Variants in HK1 observed in about 807,000 individuals in gnomAD.
HK1 encodes hexokinase-1.
A neutral mutation model predicts 91.6 loss-of-function variants in HK1; 28 were observed. The observed-to-expected ratio is 0.31, with a 90% CI of 0.23 to 0.42. The LOEUF is 0.42. HK1 is among the 10% of genes least tolerant of loss of function. The pLI is 1.00. For synonymous variants in HK1, 430 were observed against 468.1 expected (o/e 0.92, Z 1.05); for missense variants, 770 against 1,219.8 (o/e 0.63, Z 5.49).
chr10:69,382,689 A>G lies in HK1; in HGVS notation c.1468A>G (p.Arg490Gly), dbSNP rs1374845948. The G allele has an allele frequency of 6.2e-7, 1 of 1,613,806 alleles. No individual in the cohort carries two copies. The highest frequency in any genetic ancestry group is 1.3e-5 in the African/African-American group (1 of 75,054). The change falls in exon 10 of 18, where the codon AGG becomes GGG. Residue 490 changes from arginine (R) to glycine (G), a missense_variant. Physicochemically the swap from Arg to Gly is moderately radical, Grantham distance 125. Coordinates refer to ENST00000359426, the MANE Select transcript of HK1 (RefSeq NM_000188.3). ...GGACATGCTGCTGGAGGTGAAGAAG[A>G]GGATGCGGGCCGAGATGGAGCTGGG... ...TKDMLLEVKK[R>G]MRAEMELGLR...
upstream of HK1, among the ~76,000 whole-genome samples, chr10:69,311,181 T>C (rs1384555027): frequency 6.6e-6 from 1 of 152,196 alleles, no homozygotes; most frequent in Non-Finnish European, 1.5e-5. Context: ...GTCTGTTCTA[T>C]TCTATCAGTC....
At chr10:69,394,499 G>C (rs916889396) in intron 15 of HK1, among the ~76,000 whole-genome samples, 5 of 152,196 alleles carry the variant, frequency 3.3e-5, no homozygotes, top group African/African-American at 1.2e-4. Context: ...GGGACTCAGA[G>C]CTGAAAAAGA....
intron 5 of HK1, among the ~76,000 whole-genome samples, chr10:69,301,244 CA>C (rs35215102): frequency 2.6e-3 from 300 of 113,428 alleles, no homozygotes; most frequent in African/African-American, 7.9e-3. Context: ...GACTCCATCT[CA>C]AAAAAAAAAA....
rs1312876166 is a variant in HK1, at chr10:69,369,170, C to T, written c.592-67C>T. The T allele has an allele frequency of 8.3e-7, 1 of 1,206,836 alleles. No individual in the cohort carries two copies. Among genetic ancestry groups the T allele is most frequent in the African/African-American group, 1.5e-5 (1 of 67,100 alleles). 74.8% of individuals were successfully genotyped at this position (1,206,836 alleles called of 1,614,324 possible). A position where few individuals can be genotyped will look rare whatever the true frequency, so the allele number is the denominator to read the frequency against. On this transcript the variant is annotated intron_variant, in intron 5 of 17. Transcript: ENST00000359426. The surrounding 1 kb of genome is among the most constrained non-coding windows in gnomAD (Gnocchi z 4.4). Reference sequence around the variant, plus strand: ...AAAACGGGAGCACTTCTGCCAAGCGCTGTTAAGGTGTGTGATCTCTGCTCC... The same window carrying T: ...AAAACGGGAGCACTTCTGCCAAGCGTTGTTAAGGTGTGTGATCTCTGCTCC...
upstream of HK1, among the ~76,000 whole-genome samples, chr10:69,313,174 G>C (rs1425701359): frequency 6.6e-6 from 1 of 152,182 alleles, no homozygotes; most frequent in Non-Finnish European, 1.5e-5. Context: ...CCTAATAATG[G>C]GAGGCTTTTT....
chr10:69,333,435 A>C (rs1334231323), intron 1 of HK1, among the ~76,000 whole-genome samples: 2 of 152,190 alleles, frequency 1.3e-5, no homozygotes, highest in Non-Finnish European at 2.9e-5. Flanking sequence ...GCCCTGCCAC[A>C]TTCCAGGGCT....
chr10:69,324,614 G>A (rs971853343), intron 1 of HK1, among the ~76,000 whole-genome samples: 1 of 152,156 alleles, frequency 6.6e-6, no homozygotes, highest in Admixed American at 6.5e-5. Context: ...TGAAGTATTT[G>A]CTGTGTTATA....
rs138698348 is a variant in HK1 at position 69,392,264 on chromosome 10, C to T, written c.2175C>T (p.Tyr725=). 16 of 1,614,048 alleles carry T rather than the reference C, an allele frequency of 9.9e-6. No homozygotes were observed. The highest frequency in any genetic ancestry group is 6.7e-5 in the Admixed American group (4 of 60,004). The stretch of plus-strand genomic sequence containing the variant: ...GTCTGGATGATATCAGGACACACTA[C>T]GACAGACTGGTGGACGAATATTCCC... ...NGCLDDIRTH[Y]DRLVDEYSLN... The change falls in exon 15 of 18, where the codon TAC becomes TAT. Residue 725 remains tyrosine (Y), a synonymous_variant. Transcript: ENST00000359426.
upstream of HK1, chr10:69,315,968 A>C (rs766796335): frequency 3.1e-6 from 5 of 1,614,196 alleles, no homozygotes; most frequent in Admixed American, 6.7e-5. Context: ...GACTGTGAGC[A>C]CAGCCTGAGT....
chr10:69,386,059 T>A (rs769668656), intron 12 of HK1, among the ~76,000 whole-genome samples: 1 of 152,210 alleles, frequency 6.6e-6, no homozygotes, highest in Non-Finnish European at 1.5e-5. Context: ...GTGCCGTCTT[T>A]GCCGTCTGCT....
intron 1 of HK1, 35 bp downstream of exon 1, chr10:69,319,045 C>G: frequency 1.9e-6 from 3 of 1,575,862 alleles, no homozygotes; most frequent in Non-Finnish European, 2.6e-6. Context: ...TGGTCCTGGC[C>G]GCAGCCTTGC....
intron 4 of HK1, among the ~76,000 whole-genome samples, chr10:69,366,065 A>T (rs1333328815): frequency 1.3e-5 from 2 of 151,998 alleles, no homozygotes; most frequent in Non-Finnish European, 2.9e-5. Flanking sequence ...TCCTGACCTT[A>T]GGTGATCCGC....
intron 1 of HK1, among the ~76,000 whole-genome samples, chr10:69,279,434 G>C (rs1357240240): frequency 6.6e-6 from 1 of 152,210 alleles, no homozygotes; most frequent in Non-Finnish European, 1.5e-5. Context: ...TCTTGATTTG[G>C]AGAAGAAATT....
chr10:69,323,955 A>C (rs1246996102), intron 1 of HK1, among the ~76,000 whole-genome samples: 1 of 152,206 alleles, frequency 6.6e-6, no homozygotes, highest in Non-Finnish European at 1.5e-5. Flanking sequence ...GGTCCAGGGA[A>C]GACATGGATA....
upstream of HK1, chr10:69,318,694 C>T (rs773571373): frequency 3.0e-5 from 17 of 575,446 alleles, no homozygotes; most frequent in South Asian, 3.7e-4. Flanking sequence ...ACGCCACCGC[C>T]GGGCGTTGCA....
chr10:69,347,199 C>T (rs993731051), intron 2 of HK1, among the ~76,000 whole-genome samples: 11 of 151,858 alleles, frequency 7.2e-5, no homozygotes, highest in Non-Finnish European at 1.6e-4. Flanking sequence ...TTAGTAGAGA[C>T]GGGGTTTTGC....
chr10:69,358,548 A>G (rs910759818), intron 2 of HK1, among the ~76,000 whole-genome samples: 6 of 152,226 alleles, frequency 3.9e-5, no homozygotes, highest in Non-Finnish European at 8.8e-5. Context: ...GATCCATACA[A>G]TGGAATATTA....
At chr10:69,328,382 G>A (rs992268372) in intron 1 of HK1, among the ~76,000 whole-genome samples, 4 of 152,194 alleles carry the variant, frequency 2.6e-5, no homozygotes, top group African/African-American at 7.2e-5. Flanking sequence ...CCTACTAGGC[G>A]CCCGGCTTTT....
At chr10:69,308,868 A>G (rs1289679997) in intron 5 of HK1, among the ~76,000 whole-genome samples, 2 of 152,188 alleles carry the variant, frequency 1.3e-5, no homozygotes, top group African/African-American at 4.8e-5. Flanking sequence ...TGCACTGCTG[A>G]TCTGACAGGA....
Sources: gnomAD v4.1 joint callset for allele counts (sites outside exome capture counted in the v4.1 genomes callset) on GRCh38, gnomAD v4.1.1 for gene constraint, Gnocchi (gnomAD v3.1) non-coding constraint, MANE v1.5 for transcripts, NCBI Gene and HGNC (gene_info 2026-07-23, HGNC 2026-07-21) for gene names.